LRRC4C: variants seen among roughly 807,000 people sequenced by gnomAD.
LRRC4C encodes leucine-rich repeat-containing protein 4C.
In LRRC4C, 5 loss-of-function variants were observed where a neutral mutation model predicts 33.6. That is an observed-to-expected ratio of 0.15 (90% confidence interval 0.08 to 0.31). LRRC4C has a LOEUF of 0.31. LRRC4C is among the 10% of genes least tolerant of loss of function. The probability of loss-of-function intolerance (pLI) is 1.00; values close to 1 mark genes in which losing one functional copy is unlikely to be tolerated. For missense variants in LRRC4C, 560 were observed against 796.7 expected (o/e 0.70, Z 3.58); for synonymous variants, 329 against 302.0 (o/e 1.09, Z -0.93).
chr11:40,681,831 G>A (rs1007331745), intron 2 of LRRC4C, among the ~76,000 whole-genome samples: 1 of 152,162 alleles, frequency 6.6e-6, no homozygotes, highest in Admixed American at 6.5e-5. Context: ...TATTCTAAGT[G>A]AAGTAACTCA....
At chr11:40,917,566 T>A (rs1957013509) in intron 2 of LRRC4C, among the ~76,000 whole-genome samples, 1 of 152,088 alleles carries the variant, frequency 6.6e-6, no homozygotes, top group Non-Finnish European at 1.5e-5. Flanking sequence ...ACAGACATAA[T>A]GGAGTAATGA....
intron 1 of LRRC4C, among the ~76,000 whole-genome samples, chr11:41,194,621 G>A (rs1946103674): frequency 6.6e-6 from 1 of 152,060 alleles, no homozygotes; most frequent in African/African-American, 2.4e-5. Context: ...CTAGCAAGAA[G>A]CAGAGGCCCC....
chr11:41,267,655 G>A (rs1949194423), intron 1 of LRRC4C, among the ~76,000 whole-genome samples: 1 of 151,992 alleles, frequency 6.6e-6, no homozygotes, highest in South Asian at 2.1e-4. Flanking sequence ...TTTTTGGCAT[G>A]GAAATGGTGC....
chr11:41,197,268 G>A (rs1184429279), intron 1 of LRRC4C, among the ~76,000 whole-genome samples: 3 of 151,932 alleles, frequency 2.0e-5, no homozygotes, highest in South Asian at 2.1e-4. Flanking sequence ...AATCCCTTTC[G>A]CTGATAAAGC....
rs537597612 is a variant in LRRC4C at position 41,040,780 on chromosome 11, CA to C, written c.-495-107058del. ...GGTTTAATATTGACTCAACTCAATC[CA>C]AAATATTCCAACTGATTAAATATAC... On this transcript the variant is annotated intron_variant, in intron 1 of 6. Coordinates refer to ENST00000528697, the MANE Select transcript of LRRC4C (RefSeq NM_001258419.2). 4.6e-3 allele frequency among the ~76,000 whole-genome samples: 695 copies of C among 152,232 alleles called. 5 individuals carry two copies. The highest frequency in any genetic ancestry group is 0.016 in the African/African-American group (651 of 41,538).
intron 2 of LRRC4C, among the ~76,000 whole-genome samples, chr11:40,706,904 T>G (rs138217570): frequency 1.3e-5 from 2 of 152,188 alleles, no homozygotes; most frequent in Non-Finnish European, 2.9e-5. Flanking sequence ...TGGTTTGTAG[T>G]TCTCCTTGAA....
At chr11:40,648,595 A>G (rs1393297881) in intron 2 of LRRC4C, among the ~76,000 whole-genome samples, 3 of 152,302 alleles carry the variant, frequency 2.0e-5, no homozygotes, top group South Asian at 2.1e-4. Flanking sequence ...TTGTTACTTC[A>G]TGAGGTAAGA....
chr11:40,632,385 G>A (rs999479094), intron 3 of LRRC4C, among the ~76,000 whole-genome samples: 1 of 152,196 alleles, frequency 6.6e-6, no homozygotes, highest in African/African-American at 2.4e-5. Flanking sequence ...CTTCTGAAAA[G>A]TTGCTGGGGT....
In LRRC4C at chr11:40,798,935, T is replaced by C. The variant is rs556177108; in HGVS notation, c.-407+134700A>G. 2.0e-5 allele frequency among the ~76,000 whole-genome samples: 3 copies of C among 152,298 alleles called. No individual in the cohort carries two copies. In the South Asian group the frequency reaches 6.2e-4, roughly 32 times the overall value. On this transcript the variant is annotated intron_variant, in intron 2 of 6. Coordinates refer to ENST00000528697, the MANE Select transcript of LRRC4C (RefSeq NM_001258419.2). ...CTGGGATTACGAGCGTGAGCCACCA[T>C]GCTCTGCTGTATTATAAGTTTCTTT...
At chr11:41,195,871 T>C (rs1438238581) in intron 1 of LRRC4C, among the ~76,000 whole-genome samples, 2 of 152,092 alleles carry the variant, frequency 1.3e-5, no homozygotes, top group Admixed American at 6.6e-5. Flanking sequence ...AGATGCAAAG[T>C]TGTTTTTGTG....
chr11:40,177,249 G>A (rs11602899), intron 5 of LRRC4C, among the ~76,000 whole-genome samples: 11,028 of 152,042 alleles, frequency 0.073, 471 homozygotes, highest in Middle Eastern at 0.15. Context: ...CACCGTGCCC[G>A]GGCTGCCAGA....
At chr11:41,011,553 C>G (rs1462231) in intron 1 of LRRC4C, among the ~76,000 whole-genome samples, 105,840 of 151,736 alleles carry the variant, frequency 0.7, 37,542 homozygotes, top group South Asian at 0.79. Context: ...TAAAACAGTA[C>G]TTGCTCTTAA....
At chr11:40,638,811 T>C (rs911696075) in intron 3 of LRRC4C, among the ~76,000 whole-genome samples, 1 of 151,610 alleles carries the variant, frequency 6.6e-6, no homozygotes, top group Non-Finnish European at 1.5e-5. Flanking sequence ...ACTACATTTC[T>C]TGACTTCAAA....
chr11:40,439,820 T>C (rs932522059), intron 3 of LRRC4C, among the ~76,000 whole-genome samples: 7 of 152,138 alleles, frequency 4.6e-5, no homozygotes, highest in African/African-American at 1.2e-4. Flanking sequence ...AAAACAAATT[T>C]GGAAGAAAAA....
chr11:41,080,342 C>CTTTTTTTTTTTTTTTTT (rs71060997), intron 1 of LRRC4C, among the ~76,000 whole-genome samples: 2 of 103,434 alleles, frequency 1.9e-5, no homozygotes, highest in Admixed American at 1.4e-4. Flanking sequence ...GAGTCTCCTC[C>CTTTTTTTTTTTTTTTTT]TTTTTTTTTT....
At chr11:41,027,256 T>C (rs985505724) in intron 1 of LRRC4C, among the ~76,000 whole-genome samples, 38 of 151,672 alleles carry the variant, frequency 2.5e-4, no homozygotes, top group African/African-American at 8.9e-4. Context: ...CGAAGCATTG[T>C]CATATCATGT....
At chr11:40,540,750 A>G (rs1163563701) in intron 3 of LRRC4C, among the ~76,000 whole-genome samples, 2 of 152,176 alleles carry the variant, frequency 1.3e-5, no homozygotes, top group African/African-American at 4.8e-5. Context: ...GCAGAAGTAG[A>G]TTCAAATAGT....
At chr11:41,194,320 C>T (rs1207026091) in intron 1 of LRRC4C, among the ~76,000 whole-genome samples, 1 of 151,940 alleles carries the variant, frequency 6.6e-6, no homozygotes, top group Non-Finnish European at 1.5e-5. Context: ...CTTCTAACCC[C>T]TATATTGTTC....
rs375512406 is a variant in LRRC4C, at chr11:41,343,125, CT to C, written c.-496+116305del. Among the ~76,000 whole-genome samples, 691 of 152,316 alleles carry C rather than the reference CT, an allele frequency of 4.5e-3. 6 individuals carry two copies. Among genetic ancestry groups the C allele is most frequent in the African/African-American group, 0.016 (653 of 41,570 alleles). On this transcript the variant is annotated intron_variant, in intron 1 of 6. Coordinates refer to ENST00000528697, the MANE Select transcript of LRRC4C (RefSeq NM_001258419.2). ...ATCTCATCACAAGATTTTTCACTTA[CT>C]TATATCTGTATAAAACCTTTTTCTA... is the stretch of plus-strand genomic sequence containing the variant.
Sources: allele counts gnomAD v4.1 joint callset (sites outside exome capture counted in the v4.1 genomes callset), GRCh38; gene constraint gnomAD v4.1.1; transcripts MANE v1.5; gene names NCBI Gene and HGNC (gene_info 2026-07-23, HGNC 2026-07-21).